The following LRRC4C variants were observed in gnomAD, a reference collection of about 807,000 sequenced individuals.
LRRC4C encodes the protein leucine rich repeat containing 4C.
A neutral mutation model predicts 33.6 loss-of-function variants in LRRC4C; 5 were observed. The observed-to-expected ratio is 0.15, with a 90% CI of 0.08 to 0.31. The LOEUF is 0.31. LRRC4C is among the 10% of genes least tolerant of loss of function. The pLI, the probability that LRRC4C is intolerant of heterozygous loss-of-function variation, is 1.00. For missense variants in LRRC4C, 560 were observed against 796.7 expected (o/e 0.70, Z 3.58); for synonymous variants, 329 against 302.0 (o/e 1.09, Z -0.93).
chr11:40,630,307 A>G (rs991339053), intron 3 of LRRC4C, among the ~76,000 whole-genome samples: 1 of 150,494 alleles, frequency 6.6e-6, no homozygotes, highest in African/African-American at 2.5e-5. Flanking sequence ...TCCCTTGTTT[A>G]TTACTTGTTT....
intron 2 of LRRC4C, among the ~76,000 whole-genome samples, chr11:40,696,234 C>G (rs908924121): frequency 2.2e-5 from 3 of 134,022 alleles, no homozygotes; most frequent in African/African-American, 8.7e-5. Context: ...CCAACAACTT[C>G]AAGACATCTC....
intron 3 of LRRC4C, among the ~76,000 whole-genome samples, chr11:40,560,342 C>T (rs1957499180): frequency 6.6e-6 from 1 of 152,042 alleles, no homozygotes; most frequent in African/African-American, 2.4e-5. Flanking sequence ...GACTTTGGTT[C>T]CAAATATATT....
intron 3 of LRRC4C, among the ~76,000 whole-genome samples, chr11:40,602,816 T>C (rs1362612696): frequency 2.6e-5 from 4 of 152,114 alleles, no homozygotes; most frequent in Non-Finnish European, 5.9e-5. Context: ...AGGAAGGAGC[T>C]TGAAGCTAAG....
intron 1 of LRRC4C, among the ~76,000 whole-genome samples, chr11:41,447,184 G>A (rs962676386): frequency 6.6e-6 from 1 of 152,054 alleles, no homozygotes; most frequent in East Asian, 1.9e-4. Context: ...ACAATTATTA[G>A]CTGTATTATC....
chr11:41,160,808 A>T (rs1298496773), intron 1 of LRRC4C, among the ~76,000 whole-genome samples: 1 of 152,130 alleles, frequency 6.6e-6, no homozygotes, highest in Non-Finnish European at 1.5e-5. Flanking sequence ...TGCTATGAAA[A>T]CCCAGAGAAG....
At chr11:40,650,459 C>T (rs1273155446) in intron 2 of LRRC4C, among the ~76,000 whole-genome samples, 1 of 152,126 alleles carries the variant, frequency 6.6e-6, no homozygotes, top group Non-Finnish European at 1.5e-5. Context: ...TATGTATATG[C>T]TGTTTCCTTG....
intron 2 of LRRC4C, among the ~76,000 whole-genome samples, chr11:40,662,107 A>G (rs1234429770): frequency 6.6e-6 from 1 of 152,230 alleles, no homozygotes; most frequent in Non-Finnish European, 1.5e-5. Flanking sequence ...AAAGTTACAA[A>G]TCATGCTAAA....
chr11:40,733,072 T>TG (rs1947680047), intron 2 of LRRC4C, among the ~76,000 whole-genome samples: 1 of 116,298 alleles, frequency 8.6e-6, no homozygotes, highest in Non-Finnish European at 1.8e-5. Context: ...TTTTTTTTTT[T>TG]TTTTTTTTTT....
chr11:40,910,498 G>A (rs16935136), intron 2 of LRRC4C, among the ~76,000 whole-genome samples: 1,983 of 152,236 alleles, frequency 0.013, 51 homozygotes, highest in African/African-American at 0.043. Flanking sequence ...AAGCAAATAC[G>A]CCTTTGATGA....
intron 1 of LRRC4C, among the ~76,000 whole-genome samples, chr11:41,408,004 C>T (rs1954306904): frequency 6.6e-6 from 1 of 152,070 alleles, no homozygotes; most frequent in African/African-American, 2.4e-5. Context: ...TAATATAGAC[C>T]CTGTACCCTT....
intron 2 of LRRC4C, among the ~76,000 whole-genome samples, chr11:40,904,000 G>T (rs1198708023): frequency 1.3e-5 from 2 of 152,094 alleles, no homozygotes; most frequent in Non-Finnish European, 2.9e-5. Context: ...CTGCAAAAAT[G>T]ACTGAAGTAC....
chr11:40,910,366 GA>G (rs896469091), intron 2 of LRRC4C, among the ~76,000 whole-genome samples: 7 of 152,130 alleles, frequency 4.6e-5, no homozygotes, highest in African/African-American at 1.7e-4. Context: ...ACACATAGAT[GA>G]AAAAAACCCG....
intron 2 of LRRC4C, among the ~76,000 whole-genome samples, chr11:40,716,739 T>C (rs1263396146): frequency 6.6e-6 from 1 of 152,166 alleles, no homozygotes; most frequent in Non-Finnish European, 1.5e-5. Flanking sequence ...CACATCTTTC[T>C]GCAAATTTGT....
chr11:40,235,709 T>C (rs1167004759), intron 5 of LRRC4C, among the ~76,000 whole-genome samples: 2 of 152,194 alleles, frequency 1.3e-5, no homozygotes, highest in African/African-American at 4.8e-5. Context: ...CACTCATTAA[T>C]TGTGTAGCTC....
intron 1 of LRRC4C, among the ~76,000 whole-genome samples, chr11:41,047,644 A>G (rs986479694): frequency 6.6e-6 from 1 of 152,206 alleles, no homozygotes; most frequent in Non-Finnish European, 1.5e-5. Context: ...TGATGACCCC[A>G]TTCCTTGCTC....
chr11:40,249,343 A>C (rs528714267), intron 4 of LRRC4C, among the ~76,000 whole-genome samples: 32 of 152,190 alleles, frequency 2.1e-4, no homozygotes, highest in African/African-American at 5.8e-4. Flanking sequence ...ATCTCAAAAA[A>C]ATAAAAAATA....
intron 1 of LRRC4C, among the ~76,000 whole-genome samples, chr11:41,308,280 G>C (rs1950556574): frequency 6.6e-6 from 1 of 151,770 alleles, no homozygotes; most frequent in Non-Finnish European, 1.5e-5. Context: ...TACATTCTGG[G>C]GGCTTATGAA....
intron 3 of LRRC4C, among the ~76,000 whole-genome samples, chr11:40,566,086 G>GTTTTTTTTTTTTTTTTTTTTTT: frequency 1.6e-5 from 1 of 62,796 alleles, no homozygotes; most frequent in Non-Finnish European, 2.9e-5. Context: ...TTTTTACTAA[G>GTTTTTTTTTTTTTTTTTTTTTT]TTTTTTTTTT....
intron 5 of LRRC4C, among the ~76,000 whole-genome samples, chr11:40,188,638 G>A (rs532270956): frequency 3.3e-5 from 5 of 152,232 alleles, no homozygotes; most frequent in African/African-American, 7.2e-5. Context: ...GGTGCAGAAG[G>A]CAGCAAGGTT....
Sources: gnomAD v4.1 joint callset for allele counts (sites outside exome capture counted in the v4.1 genomes callset) on GRCh38, gnomAD v4.1.1 for gene constraint, MANE v1.5 for transcripts, NCBI Gene and HGNC (gene_info 2026-07-23, HGNC 2026-07-21) for gene names.